CCNO: variants seen among roughly 807,000 people sequenced by gnomAD.
The protein encoded by CCNO is cyclin-O.
Under a neutral mutation model 23.9 loss-of-function variants are expected in CCNO, and 24 were observed. The observed-to-expected ratio is 1.00, with a 90% CI of 0.73 to 1.41. The LOEUF (loss-of-function observed/expected upper bound fraction) is 1.41, where lower values mean the gene tolerates loss of function less well. Among genes scored for constraint, CCNO ranks in the 40% most tolerant of loss-of-function variants. The probability of loss-of-function intolerance (pLI) is 0.00; values close to 1 mark genes in which losing one functional copy is unlikely to be tolerated. For missense variants in CCNO, 542 were observed against 476.2 expected (o/e 1.14, Z -1.29); for synonymous variants, 241 against 225.7 (o/e 1.07, Z -0.61).
chr5:55,233,064 G>C, intron 1 of CCNO, 79 bp downstream of exon 1: 1 of 1,443,700 alleles, frequency 6.9e-7, no homozygotes, highest in Admixed American at 2.6e-5. Flanking sequence ...GCGCTCGGAG[G>C]GCCGAGCCGG....
In CCNO at chr5:55,231,391, G is replaced by A; in HGVS notation, c.1037C>T (p.Pro346Leu). Residue 346 changes from proline (P) to leucine (L), a missense_variant, in exon 3 of 3, where the codon CCC (proline) becomes CTC (leucine). Pro to Leu is a moderately conservative substitution (Grantham distance 98). Transcript: ENST00000282572. ...PVQICEKCSLPPSSK is the reference protein window; with the variant it reads ...PVQICEKCSLLPSSK ...GGATCTGTTTTATTTCGAGCTCGGG[G>A]GCAGGCTGCACTTCTCGCAGATCTG... is the stretch of plus-strand genomic sequence containing the variant. 2 of 1,613,920 alleles carry A rather than the reference G, an allele frequency of 1.2e-6. No individual in the cohort carries two copies. Among genetic ancestry groups the A allele is most frequent in the Non-Finnish European group, 1.7e-6 (2 of 1,179,844 alleles).
rs375379097 is a variant in CCNO at position 55,231,399 on chromosome 5, G to A, written c.1029C>T (p.Cys343=). The A allele has an allele frequency of 1.2e-6, 2 of 1,614,066 alleles. No individual in the cohort carries two copies. The highest frequency in any genetic ancestry group is 1.7e-6 in the Non-Finnish European group (2 of 1,179,958). ...HMLPVQICEK[C]SLPPSSK The stretch of plus-strand genomic sequence containing the variant: ...TTTATTTCGAGCTCGGGGGCAGGCT[G>A]CACTTCTCGCAGATCTGAACGGGCA... Residue 343 remains cysteine, a synonymous_variant, in exon 3 of 3, where the codon TGC becomes TGT. Coordinates refer to ENST00000282572, the MANE Select transcript of CCNO (RefSeq NM_021147.5).
At chr5:55,231,930 C>T in intron 2 of CCNO, 70 bp from the exon 3 acceptor site, 1 of 1,451,042 alleles carries the variant, frequency 6.9e-7, no homozygotes, top group Non-Finnish European at 9.1e-7. Context: ...AGTATGACGC[C>T]CGGACTTTCC....
chr5:55,232,636 G>A, intron 1 of CCNO, 90 bp from the exon 2 acceptor site: 3 of 1,274,794 alleles, frequency 2.4e-6, no homozygotes, highest in Non-Finnish European at 3.4e-6. Flanking sequence ...GAATCGGGGA[G>A]CTTCCCAGGA....
chr5:55,231,570 G>A lies in CCNO; in HGVS notation c.858C>T (p.Cys286=), dbSNP rs1023039374. 2 of 1,613,592 alleles carry A rather than the reference G, an allele frequency of 1.2e-6. No homozygotes were observed. The highest frequency in any genetic ancestry group is 1.7e-6 in the Non-Finnish European group (2 of 1,179,954). ...GCATGCGGTCCGCCAGCGCCAGGCA[G>A]CAGATCGCCAGGAGGGAAGGGGAGT... The part of the protein sequence containing the change: ...TSYSPSLLAI[C]CLALADRMLR... Residue 286 remains cysteine, a synonymous_variant, in exon 3 of 3, where the codon TGC becomes TGT. Coordinates refer to ENST00000282572, the MANE Select transcript of CCNO (RefSeq NM_021147.5).
In CCNO at chr5:55,233,406, T is replaced by G. The variant is rs564519368; in HGVS notation, c.118A>C (p.Lys40Gln). The change falls in exon 1 of 3, where the codon AAG becomes CAG. Residue 40 changes from lysine to glutamine, a missense_variant. Lys to Gln is a moderately conservative substitution (Grantham distance 53, BLOSUM62 1). Transcript: ENST00000282572. ...GGGTTCAGGGGATGCAGCGGCTGCT[T>G]CCTCCGGAGGCGCGGACGCCTGCTC... is the stretch of plus-strand genomic sequence containing the variant. ...KKSRRPRLRR[K>Q]QPLHPLNPCP... 1.2e-6 allele frequency: 2 copies of G among 1,609,574 alleles called. No individual in the cohort carries two copies. Among genetic ancestry groups the G allele is most frequent in the African/African-American group, 2.7e-5 (2 of 74,794 alleles).
At position 55,233,261 on chromosome 5, in the gene CCNO, T is replaced by TGGGCCGGGCCGGGCA. The variant is rs1554020078; in HGVS notation, c.248_262dup (p.Leu83_Ala87dup). ...CTGTAGATCTAGCTGCGCCACGGGCTGGGCCGGGCCGGGCAGGGGGCTACC... is the reference window on the plus strand; with the variant it reads ...CTGTAGATCTAGCTGCGCCACGGGCTGGGCCGGGCCGGGCAGGGCCGGGCCGGGCAGGGGGCTACC... On this transcript the variant is annotated inframe_insertion, in exon 1 of 3. Coordinates refer to ENST00000282572, the MANE Select transcript of CCNO (RefSeq NM_021147.5). The TGGGCCGGGCCGGGCA allele has an allele frequency of 4.4e-5, 70 of 1,589,496 alleles. No individual in the cohort carries two copies. In the Middle Eastern group the frequency reaches 6.7e-4, roughly 15 times the overall value.
At position 55,231,729 on chromosome 5, in the gene CCNO, A is replaced by C. The variant is rs1157729426; in HGVS notation, c.699T>G (p.Ile233Met). The C allele has an allele frequency of 1.3e-6, 2 of 1,576,870 alleles. No individual in the cohort carries two copies. Among genetic ancestry groups the C allele is most frequent in the South Asian group, 1.2e-5 (1 of 86,550 alleles). ...KLHFTLGAPT[I>M]SFFLEHFTHA... is the part of the protein sequence containing the mutation. Reference sequence around the variant, plus strand: ...GCGTGAAATGCTCCAGGAAGAAGCTAATGGTGGGCGCACCCAGGGTGAAGT... The same window carrying C: ...GCGTGAAATGCTCCAGGAAGAAGCTCATGGTGGGCGCACCCAGGGTGAAGT... Residue 233 changes from isoleucine (I) to methionine (M), a missense_variant, in exon 3 of 3, where the codon ATT becomes ATG. Coordinates refer to ENST00000282572, the MANE Select transcript of CCNO (RefSeq NM_021147.5).
Position 55,233,534 on chromosome 5 carries a change from G to T in CCNO, c.-11C>A, listed in dbSNP as rs763376831. 2.0e-6 allele frequency: 3 copies of T among 1,538,078 alleles called. No individual in the cohort carries two copies. The highest frequency in any genetic ancestry group is 2.3e-5 in the East Asian group (1 of 43,336). ...ACAGGGGGTCACCATGATGCGGCCG[G>T]GTGGCCGCTTTACTACCTTCAACGC... On this transcript the variant is annotated 5_prime_UTR_variant, in exon 1 of 3. Coordinates refer to ENST00000282572, the MANE Select transcript of CCNO (RefSeq NM_021147.5).
At chr5:55,232,973 C>A (rs957049637) in intron 1 of CCNO, 170 bp downstream of exon 1, 2 of 694,380 alleles carry the variant, frequency 2.9e-6, no homozygotes, top group Non-Finnish European at 4.7e-6. Context: ...TTTTCTCCAT[C>A]TGTAAAATGA....
At chr5:55,231,951 C>T (rs919036717) in intron 2 of CCNO, 91 bp from the exon 3 acceptor site, 64 of 1,391,518 alleles carry the variant, frequency 4.6e-5, no homozygotes, top group Non-Finnish European at 5.2e-5. Context: ...CCATCCCTTC[C>T]AGAGAGACAG....
rs932915305 is a variant in CCNO, at chr5:55,232,273, G to T, written c.567+88C>A. 6.5e-6 allele frequency: 8 copies of T among 1,227,370 alleles called. No individual in the cohort carries two copies. The African/African-American group carries it at 1.2e-4, about 18-fold the overall frequency. The allele number at this position is 1,227,370 out of a possible 1,614,324, so 76.0% of individuals were successfully genotyped here. On this transcript the variant is annotated intron_variant, in intron 2 of 2. Coordinates refer to ENST00000282572, the MANE Select transcript of CCNO (RefSeq NM_021147.5). Reference sequence around the variant, plus strand: ...CTGGGAACCCAGCACTGAATCGTGCGCGCTGGAAAGACGGGCGGCCAGGGA... The same window carrying T: ...CTGGGAACCCAGCACTGAATCGTGCTCGCTGGAAAGACGGGCGGCCAGGGA...
chr5:55,231,555 C>T lies in CCNO; in HGVS notation c.873G>A (p.Ala291=). 1 of 1,613,484 alleles carries T rather than the reference C, an allele frequency of 6.2e-7. No individual in the cohort carries two copies. Among genetic ancestry groups the T allele is most frequent in the Non-Finnish European group, 8.5e-7 (1 of 1,179,962 alleles). Residue 291 remains alanine (A), a synonymous_variant, in exon 3 of 3, where the codon GCG becomes GCA. Coordinates refer to ENST00000282572, the MANE Select transcript of CCNO (RefSeq NM_021147.5). ...GCCGCGAGACCCGCAGCATGCGGTC[C>T]GCCAGCGCCAGGCAGCAGATCGCCA... ...SLLAICCLAL[A]DRMLRVSRPV...
Position 55,233,194 on chromosome 5 carries a change from CT to C in CCNO, c.329del (p.Lys110ArgfsTer19), listed in dbSNP as rs1157164211. On this transcript the variant is annotated frameshift_variant, in exon 1 of 3. Transcript: ENST00000282572. LOFTEE classifies it high-confidence loss of function. ...GCGGGTGGAAGTGGCTCTCCTGCGC[CT>C]TGCGGAAGGCGTAGCAGCTCTGGCC... ...DYGQSCYAFR[K>X]AQESHFHPRE... 1 of 1,555,494 alleles carries C rather than the reference CT, an allele frequency of 6.4e-7. No individual in the cohort carries two copies. Among genetic ancestry groups the C allele is most frequent in the Non-Finnish European group, 8.7e-7 (1 of 1,150,978 alleles).
intron 1 of CCNO, chr5:55,232,927 G>C: frequency 1.6e-6 from 1 of 606,804 alleles, no homozygotes; most frequent in Non-Finnish European, 2.9e-6. Context: ...AGCCAGCTTG[G>C]GACGGGGCAA....
chr5:55,231,314 T>C lies in CCNO; in HGVS notation c.*61A>G. 6.3e-7 allele frequency: 1 copy of C among 1,589,420 alleles called. No homozygotes were observed. The highest frequency in any genetic ancestry group is 8.6e-7 in the Non-Finnish European group (1 of 1,166,126). On this transcript the variant is annotated 3_prime_UTR_variant, in exon 3 of 3. Transcript: ENST00000282572. The stretch of plus-strand genomic sequence containing the variant: ...TCTGTGGACCAGTACTGCACTCTTC[T>C]GAGGCTACGGGAGAGGTCCAGCAGC...
chr5:55,233,476 C>A lies in CCNO; in HGVS notation c.48G>T (p.Ala16=). The change falls in exon 1 of 3, where the codon GCG becomes GCT. Residue 16 remains alanine (A), a synonymous_variant. Coordinates refer to ENST00000282572, the MANE Select transcript of CCNO (RefSeq NM_021147.5). The part of the protein sequence containing the change: ...PTSPSSPAAR[A]GRRDNDQNLR... The stretch of plus-strand genomic sequence containing the variant: ...GGTTCTGGTCGTTGTCCCGCCTCCC[C>A]GCTCGGGCGGCGGGGCTCGAGGGGC... The A allele has an allele frequency of 1.9e-6, 3 of 1,599,168 alleles. No homozygotes were observed. Among genetic ancestry groups the A allele is most frequent in the African/African-American group, 1.3e-5 (1 of 74,704 alleles).
At position 55,231,698 on chromosome 5, in the gene CCNO, G is replaced by C. The variant is rs747624998; in HGVS notation, c.730C>G (p.Arg244Gly). The change falls in exon 3 of 3, where the codon CGC becomes GGC. Residue 244 changes from arginine to glycine, a missense_variant. Arg to Gly is a moderately radical substitution (Grantham distance 125). Transcript: ENST00000282572. ...GCCTCAGCCTGCCCCGCCTCCACGC[G>C]AGCGTGCGTGAAATGCTCCAGGAAG... ...SFFLEHFTHA[R>G]VEAGQAEASE... The C allele has an allele frequency of 1.9e-6, 3 of 1,577,070 alleles. No individual in the cohort carries two copies. The highest frequency in any genetic ancestry group is 1.7e-6 in the Non-Finnish European group (2 of 1,161,788).
rs1369032587 is a variant in CCNO, at chr5:55,231,808, G to A, written c.620C>T (p.Ala207Val). 1 of 1,555,934 alleles carries A rather than the reference G, an allele frequency of 6.4e-7. No homozygotes were observed. The highest frequency in any genetic ancestry group is 1.2e-5 in the South Asian group (1 of 84,538). ...VKQLLALCCG[A>V]FSRQQLCNLE... Reference sequence around the variant, plus strand: ...GTTGCAGAGCTGCTGCCGGGAGAAGGCGCCGCAGCAGAGGGCCAGAAGCTG... The same window carrying A: ...GTTGCAGAGCTGCTGCCGGGAGAAGACGCCGCAGCAGAGGGCCAGAAGCTG... Residue 207 changes from alanine (A) to valine (V), a missense_variant, in exon 3 of 3, where the codon GCC becomes GTC. Transcript: ENST00000282572.
Sources: gnomAD v4.1 joint callset for allele counts on GRCh38, gnomAD v4.1.1 for gene constraint, MANE v1.5 for transcripts, NCBI Gene and HGNC (gene_info 2026-07-23, HGNC 2026-07-21) for gene names.